The following COG5 variants were observed in gnomAD, a reference collection of about 807,000 sequenced individuals.
COG5 encodes the protein conserved oligomeric Golgi complex subunit 5.
Under a neutral mutation model 110.4 loss-of-function variants are expected in COG5, and 86 were observed. The observed-to-expected ratio is 0.78, with a 90% CI of 0.65 to 0.93. COG5 has a LOEUF of 0.93. COG5 is among the 40% of genes least tolerant of loss of function. The pLI is 0.00. For missense variants in COG5, 1,077 were observed against 987.0 expected, an observed-to-expected ratio of 1.09 and a Z score of -1.22; for synonymous variants, 360 against 334.6, an observed-to-expected ratio of 1.08 and a Z score of -0.83.
chr7:107,232,052 C>T (rs1421287793), intron 18 of COG5, among the ~76,000 whole-genome samples: 3 of 152,150 alleles, frequency 2.0e-5, no homozygotes, highest in African/African-American at 7.2e-5. Context: ...GAACAGTAAC[C>T]AGGTTAATTT....
At chr7:107,375,946 G>A (rs1024558316) in intron 7 of COG5, among the ~76,000 whole-genome samples, 4 of 151,800 alleles carry the variant, frequency 2.6e-5, no homozygotes, top group Non-Finnish European at 4.4e-5. Flanking sequence ...AACTCTATTG[G>A]TTTATCTTTC....
chr7:107,379,578 T>C, intron 7 of COG5, among the ~76,000 whole-genome samples: 1 of 148,956 alleles, frequency 6.7e-6, no homozygotes, highest in South Asian at 2.1e-4. Flanking sequence ...TGCAGGAATA[T>C]TTACCAAGCA....
chr7:107,516,939 T>C (rs1260611143), intron 6 of COG5, among the ~76,000 whole-genome samples: 1 of 152,144 alleles, frequency 6.6e-6, no homozygotes, highest in African/African-American at 2.4e-5. Flanking sequence ...ATAACCAGAA[T>C]GCGTCTTCTC....
intron 6 of COG5, among the ~76,000 whole-genome samples, chr7:107,504,588 G>A (rs567103911): frequency 2.6e-5 from 4 of 152,194 alleles, no homozygotes; most frequent in South Asian, 2.1e-4. Flanking sequence ...GTTCATCTTT[G>A]AATATCTGGT....
intron 6 of COG5, among the ~76,000 whole-genome samples, chr7:107,521,281 A>G (rs1800301694): frequency 6.6e-6 from 1 of 152,216 alleles, no homozygotes; most frequent in Non-Finnish European, 1.5e-5. Flanking sequence ...AACAAAAACA[A>G]AAATTGATAA....
intron 19 of COG5, among the ~76,000 whole-genome samples, chr7:107,223,396 T>G (rs1172813343): frequency 6.6e-6 from 1 of 152,142 alleles, no homozygotes; most frequent in African/African-American, 2.4e-5. Context: ...AGGAGGCTGA[T>G]TTGGGTTCAA....
rs1800799160 is a variant in COG5, at chr7:107,231,863, C to T, written c.2092-1172G>A. Among the ~76,000 whole-genome samples the T allele has an allele frequency of 2.6e-5, 4 of 152,276 alleles. No individual in the cohort carries two copies. In the South Asian group the frequency reaches 8.3e-4, roughly 32 times the overall value. On this transcript the variant is annotated intron_variant, in intron 18 of 21. Coordinates refer to ENST00000297135, the MANE Select transcript of COG5 (RefSeq NM_006348.5). ...TGAAGGGGATATTTATTTATTAAAA[C>T]AATATGATTATCAACAAAATCAAAA...
At chr7:107,286,642 A>G (rs915455035) in intron 12 of COG5, among the ~76,000 whole-genome samples, 2 of 152,198 alleles carry the variant, frequency 1.3e-5, no homozygotes, top group African/African-American at 4.8e-5. Context: ...ATCTTTATAG[A>G]TGACTTTTGT....
intron 14 of COG5, among the ~76,000 whole-genome samples, chr7:107,265,273 ATAAT>A (rs1451640650): frequency 1.3e-5 from 2 of 152,122 alleles, no homozygotes; most frequent in African/African-American, 4.8e-5. Context: ...ACAGACAAAA[ATAAT>A]TAATTTTTAT....
At chr7:107,316,657 CAAAAAAAAAAAA>C (rs760555445) in intron 11 of COG5, among the ~76,000 whole-genome samples, 2 of 75,918 alleles carry the variant, frequency 2.6e-5, no homozygotes, top group South Asian at 5.6e-4. Flanking sequence ...ACTAAAAATA[CAAAAAAAAAAAA>C]AAAAAAAAAA....
intron 6 of COG5, among the ~76,000 whole-genome samples, chr7:107,446,185 T>C (rs977028668): frequency 2.0e-5 from 3 of 152,230 alleles, no homozygotes; most frequent in African/African-American, 7.2e-5. Flanking sequence ...CTCAAGATCC[T>C]TAATCTTCAA....
In COG5 at chr7:107,367,536, A is replaced by G. The variant is rs146713221; in HGVS notation, c.835+5059T>C. Among the ~76,000 whole-genome samples the G allele has an allele frequency of 2.7e-3, 414 of 151,916 alleles. 3 individuals are homozygous for G. The highest frequency in any genetic ancestry group is 6.8e-3 in the Middle Eastern group (2 of 294). ...AACCAATCTAAGTGTTCACAAAACA[A>G]TGAGTGGGTAAAGAAACTGTTGTGT... On this transcript the variant is annotated intron_variant, in intron 8 of 21. Transcript: ENST00000297135.
intron 12 of COG5, among the ~76,000 whole-genome samples, chr7:107,287,349 T>A (rs906745097): frequency 6.6e-6 from 1 of 152,138 alleles, no homozygotes; most frequent in Non-Finnish European, 1.5e-5. Flanking sequence ...TGAGAAAAAT[T>A]TCTTGTGATA....
At chr7:107,438,045 C>T (rs141206466) in intron 6 of COG5, among the ~76,000 whole-genome samples, 13 of 152,224 alleles carry the variant, frequency 8.5e-5, no homozygotes, top group African/African-American at 3.1e-4. Flanking sequence ...TACCTGGAAA[C>T]TAGATTCAAC....
intron 10 of COG5, among the ~76,000 whole-genome samples, chr7:107,351,237 G>A (rs2129041360): frequency 6.6e-6 from 1 of 152,270 alleles, no homozygotes; most frequent in East Asian, 1.9e-4. Context: ...AAATGGTGCT[G>A]GGAAAACTGG....
At chr7:107,207,947 T>A (rs1049829654) in intron 21 of COG5, 14 of 985,444 alleles carry the variant, frequency 1.4e-5, no homozygotes, top group Non-Finnish European at 1.7e-5. Context: ...AGGAACAGAA[T>A]GAGTATACAA....
intron 6 of COG5, among the ~76,000 whole-genome samples, chr7:107,425,715 G>A (rs529613199): frequency 9.9e-5 from 15 of 152,106 alleles, no homozygotes; most frequent in Admixed American, 7.9e-4. Flanking sequence ...AAGGTTAGAA[G>A]AACTACCTGG....
At chr7:107,467,448 C>T (rs1796361109) in intron 6 of COG5, among the ~76,000 whole-genome samples, 1 of 152,102 alleles carries the variant, frequency 6.6e-6, no homozygotes, top group Non-Finnish European at 1.5e-5. Flanking sequence ...TCTCTGCCAC[C>T]CAGGTTCAAG....
intron 5 of COG5, among the ~76,000 whole-genome samples, chr7:107,542,207 G>A (rs1802090826): frequency 6.6e-6 from 1 of 152,046 alleles, no homozygotes; most frequent in South Asian, 2.1e-4. Flanking sequence ...ACAGACAAGA[G>A]CGAGAAGGAG....
Sources: gnomAD v4.1 joint callset for allele counts (sites outside exome capture counted in the v4.1 genomes callset) on GRCh38, gnomAD v4.1.1 for gene constraint, MANE v1.5 for transcripts, NCBI Gene and HGNC (gene_info 2026-07-23, HGNC 2026-07-21) for gene names.